PNPLA8: variants seen among roughly 807,000 people sequenced by gnomAD.
The protein encoded by PNPLA8 is calcium-independent phospholipase A2-gamma.
In PNPLA8, 39 loss-of-function variants were observed where a neutral mutation model predicts 76.9. The ratio of observed to expected loss-of-function variants is 0.51; its 90% CI spans 0.39 to 0.66. The LOEUF (loss-of-function observed/expected upper bound fraction) is 0.66. PNPLA8 is among the 30% of genes least tolerant of loss of function. PNPLA8 has a pLI of 0.00. For synonymous variants in PNPLA8, 301 were observed against 307.9 expected, an observed-to-expected ratio of 0.98 and a Z score of 0.24; for missense variants, 887 against 918.0, an observed-to-expected ratio of 0.97 and a Z score of 0.44.
intron 4 of PNPLA8, among the ~76,000 whole-genome samples, chr7:108,512,519 G>T (rs998339374): frequency 6.6e-6 from 1 of 151,852 alleles, no homozygotes; most frequent in African/African-American, 2.4e-5. Flanking sequence ...AGGGCATTAC[G>T]TATCAGACAT....
chr7:108,523,805 C>T (rs1236913294), intron 1 of PNPLA8, among the ~76,000 whole-genome samples: 1 of 152,118 alleles, frequency 6.6e-6, no homozygotes, highest in Non-Finnish European at 1.5e-5. Context: ...GCTCTGACAC[C>T]TCACCCAGCA....
At position 108,514,279 on chromosome 7, in the gene PNPLA8, C is replaced by T. The variant is rs1157627716; in HGVS notation, c.1071G>A (p.Val357=). The T allele has an allele frequency of 6.2e-7, 1 of 1,611,348 alleles. No individual in the cohort carries two copies. Among genetic ancestry groups the T allele is most frequent in the Non-Finnish European group, 8.5e-7 (1 of 1,177,986 alleles). Residue 357 remains valine, a synonymous_variant, in exon 4 of 11, where the codon GTG becomes GTA. Transcript: ENST00000257694. ...ATGCCCGGGTCCTGTTATCAATACT[C>T]ACCCTTGCGATAATCTACAAAGACA... is the stretch of plus-strand genomic sequence containing the variant. ...SLQREKIIAR[V]SIDNRTRALV...
intron 4 of PNPLA8, among the ~76,000 whole-genome samples, chr7:108,507,241 G>A (rs1862508993): frequency 6.6e-6 from 1 of 150,530 alleles, no homozygotes; most frequent in African/African-American, 2.5e-5. Flanking sequence ...TACTCGGGAG[G>A]CTGAGGCAGG....
intron 7 of PNPLA8, among the ~76,000 whole-genome samples, chr7:108,492,537 G>A (rs1455028835): frequency 6.6e-6 from 1 of 151,702 alleles, no homozygotes; most frequent in Admixed American, 6.6e-5. Flanking sequence ...AACCTAAAAT[G>A]CTTTTAGTGA....
At chr7:108,519,531 C>T (rs1563991296) in intron 2 of PNPLA8, among the ~76,000 whole-genome samples, 1 of 152,142 alleles carries the variant, frequency 6.6e-6, no homozygotes, top group Non-Finnish European at 1.5e-5. Flanking sequence ...AGAACCTATT[C>T]CAATTGTCCA....
chr7:108,490,644 C>T lies in PNPLA8; in HGVS notation c.1683+766G>A, dbSNP rs1025680093. On this transcript the variant is annotated intron_variant, in intron 8 of 10. Transcript: ENST00000257694. ...TAAAAAATACAAAAAATTAGCCGGG[C>T]GTGGTGGCGGCTGCCTATAGTCCCA... Among the ~76,000 whole-genome samples, 10 of 152,096 alleles carry T rather than the reference C, an allele frequency of 6.6e-5. No individual in the cohort carries two copies. The South Asian group carries it at 1.2e-3, about 19-fold the overall frequency.
At position 108,487,748 on chromosome 7, in the gene PNPLA8, A is replaced by C. The variant is rs1425187908; in HGVS notation, c.1878+11T>G. ...AAAATTTAAAAAAATAAGACATACA[A>C]GTCAACTTACTTGATGAAGATCATT... On this transcript the variant is annotated intron_variant, in intron 9 of 10. Coordinates refer to ENST00000257694, the MANE Select transcript of PNPLA8 (RefSeq NM_001256007.3). The C allele has an allele frequency of 6.4e-7, 1 of 1,559,686 alleles. No individual in the cohort carries two copies. The highest frequency in any genetic ancestry group is 1.2e-5 in the South Asian group (1 of 84,860).
intron 5 of PNPLA8, among the ~76,000 whole-genome samples, chr7:108,500,513 C>T (rs1861857518): frequency 6.6e-6 from 1 of 152,198 alleles, no homozygotes; most frequent in Non-Finnish European, 1.5e-5. Flanking sequence ...CTTTCCTCAA[C>T]ACCAATCTGT....
At chr7:108,511,256 G>T (rs1026597919) in intron 4 of PNPLA8, among the ~76,000 whole-genome samples, 2 of 152,122 alleles carry the variant, frequency 1.3e-5, no homozygotes, top group African/African-American at 2.4e-5. Flanking sequence ...GAAATTATTA[G>T]TTCTGGAAAT....
intron 2 of PNPLA8, among the ~76,000 whole-genome samples, chr7:108,520,975 G>C (rs1204692733): frequency 6.6e-6 from 1 of 152,100 alleles, no homozygotes; most frequent in African/African-American, 2.4e-5. Flanking sequence ...AGGTTTAAGA[G>C]GACCCACAGG....
chr7:108,490,559 G>A (rs1218747625), intron 8 of PNPLA8, among the ~76,000 whole-genome samples: 1 of 151,772 alleles, frequency 6.6e-6, no homozygotes, highest in African/African-American at 2.4e-5. Context: ...TGAGGTGGGC[G>A]AATCACGAGG....
At chr7:108,483,138 C>T (rs1860516180) in intron 9 of PNPLA8, among the ~76,000 whole-genome samples, 1 of 152,198 alleles carries the variant, frequency 6.6e-6, no homozygotes, top group African/African-American at 2.4e-5. Context: ...CTGGTTGGAT[C>T]AATAAGATCA....
At chr7:108,492,272 C>T (rs764764166) in intron 7 of PNPLA8, among the ~76,000 whole-genome samples, 3 of 151,986 alleles carry the variant, frequency 2.0e-5, no homozygotes, top group African/African-American at 4.8e-5. Context: ...AGTGATCTAC[C>T]CTTTATAAGC....
rs1653555290 is a variant in PNPLA8, at chr7:108,470,723, T to C, written c.*1678A>G. On this transcript the variant is annotated 3_prime_UTR_variant, in exon 11 of 11. Coordinates refer to ENST00000257694, the MANE Select transcript of PNPLA8 (RefSeq NM_001256007.3). ...TGGTCTGAAAGAACTATATTATCTT[T>C]AGAAATCATTGGTAGTTTCCTATTT... 6.6e-6 allele frequency: 1 copy of C among 152,216 alleles called. No homozygotes were observed. Among genetic ancestry groups the C allele is most frequent in the Non-Finnish European group, 1.5e-5 (1 of 68,032 alleles). The allele number at this position is 152,216 out of a possible 1,614,324, so 9.4% of individuals were successfully genotyped here.
At chr7:108,503,318 C>T (rs1237865774) in intron 4 of PNPLA8, among the ~76,000 whole-genome samples, 3 of 152,120 alleles carry the variant, frequency 2.0e-5, no homozygotes, top group South Asian at 4.1e-4. Flanking sequence ...TAGTCAGTAC[C>T]GCAGGTTTAA....
intron 10 of PNPLA8, among the ~76,000 whole-genome samples, chr7:108,478,089 G>T (rs777008560): frequency 2.0e-5 from 3 of 152,110 alleles, no homozygotes; most frequent in South Asian, 2.1e-4. Flanking sequence ...AAGAGAAAAA[G>T]AGAAAAAGAA....
intron 2 of PNPLA8, among the ~76,000 whole-genome samples, chr7:108,520,192 T>C (rs979983234): frequency 6.6e-6 from 1 of 152,148 alleles, no homozygotes; most frequent in African/African-American, 2.4e-5. Flanking sequence ...CCGGCAGAGG[T>C]GGAAGGGGAA....
intron 4 of PNPLA8, among the ~76,000 whole-genome samples, chr7:108,508,648 C>G (rs1862639898): frequency 7.4e-6 from 1 of 135,406 alleles, no homozygotes; most frequent in Non-Finnish European, 1.6e-5. Context: ...CTACCAATGA[C>G]TTTCTTCACA....
intron 5 of PNPLA8, among the ~76,000 whole-genome samples, chr7:108,500,830 G>T (rs889599199): frequency 2.0e-5 from 3 of 151,982 alleles, no homozygotes; most frequent in African/African-American, 7.2e-5. Flanking sequence ...GAACTGATCA[G>T]TTGAACCTGG....
Sources: gnomAD v4.1 joint callset for allele counts (sites outside exome capture counted in the v4.1 genomes callset) on GRCh38, gnomAD v4.1.1 for gene constraint, MANE v1.5 for transcripts, NCBI Gene and HGNC (gene_info 2026-07-23, HGNC 2026-07-21) for gene names.